Variants in MALT1 observed in about 807,000 individuals in gnomAD.
MALT1 encodes the protein mucosa-associated lymphoid tissue lymphoma translocation protein 1.
In MALT1, 36 loss-of-function variants were observed where a neutral mutation model predicts 85.5. That is an observed-to-expected ratio of 0.42 (90% CI 0.32 to 0.56). MALT1 has a LOEUF of 0.56. Among genes scored for constraint, MALT1 ranks in the 20% least tolerant of loss-of-function variants. The pLI is 0.10. For synonymous variants in MALT1, 359 were observed against 361.3 expected, an observed-to-expected ratio of 0.99 and a Z score of 0.07; for missense variants, 716 against 981.6, an observed-to-expected ratio of 0.73 and a Z score of 3.62.
At chr18:58,678,737 G>A (rs1214708366) in intron 1 of MALT1, among the ~76,000 whole-genome samples, 1 of 152,180 alleles carries the variant, frequency 6.6e-6, no homozygotes, top group African/African-American at 2.4e-5. Flanking sequence ...AGAAGAATGT[G>A]TGATAGAGAC....
intron 2 of MALT1, among the ~76,000 whole-genome samples, chr18:58,682,010 C>A (rs1004119669): frequency 1.4e-4 from 21 of 152,150 alleles, no homozygotes; most frequent in South Asian, 8.3e-4. Context: ...CTGGTTGTGG[C>A]AGCACTGCAG....
chr18:58,693,707 G>A (rs747173152), intron 2 of MALT1, among the ~76,000 whole-genome samples: 17 of 152,176 alleles, frequency 1.1e-4, no homozygotes, highest in Non-Finnish European at 2.4e-4. Context: ...GATGGATGGT[G>A]GTAGGCAGTA....
At chr18:58,735,111 T>C in intron 12 of MALT1, 91 bp from the exon 13 acceptor site, 1 of 1,176,436 alleles carries the variant, frequency 8.5e-7, no homozygotes, top group Non-Finnish European at 1.2e-6. Flanking sequence ...GGTGCTTCTC[T>C]GAGTTCATTT....
At position 58,750,515 on chromosome 18, in the gene MALT1, G is replaced by T. The variant is rs916546581; in HGVS notation, c.*2673G>T. ...AGTGCTACCAAGCTACAATAAGACA[G>T]TGTAGGCATATGGATAGACATATCG... On this transcript the variant is annotated 3_prime_UTR_variant, in exon 17 of 17. Coordinates refer to ENST00000649217, the MANE Select transcript of MALT1 (RefSeq NM_006785.4). 1 of 152,232 alleles carries T rather than the reference G, an allele frequency of 6.6e-6. No individual in the cohort carries two copies. The highest frequency in any genetic ancestry group is 2.4e-5 in the African/African-American group (1 of 41,458). The allele number at this position is 152,232 out of a possible 1,614,324, so 9.4% of individuals were successfully genotyped here. A position where few individuals can be genotyped will look rare whatever the true frequency, so the allele number is the denominator to read the frequency against.
intron 8 of MALT1, among the ~76,000 whole-genome samples, chr18:58,715,721 C>T (rs1007728632): frequency 1.3e-5 from 2 of 152,088 alleles, no homozygotes; most frequent in Non-Finnish European, 2.9e-5. Context: ...TAGAACGGTG[C>T]CAGCTGAGGC....
intron 14 of MALT1, 87 bp downstream of exon 14, chr18:58,742,101 A>G (rs1368321698): frequency 1.8e-6 from 2 of 1,137,510 alleles, no homozygotes; most frequent in Non-Finnish European, 2.3e-6. Flanking sequence ...CTTTCCTCCC[A>G]GTTTTACAGT....
chr18:58,673,210 T>C (rs1196198900), intron 1 of MALT1, among the ~76,000 whole-genome samples: 1 of 152,252 alleles, frequency 6.6e-6, no homozygotes, highest in Non-Finnish European at 1.5e-5. Flanking sequence ...TATTAAGTGC[T>C]TATTATTTGC....
At position 58,699,750 on chromosome 18, in the gene MALT1, C is replaced by T. The variant is rs559565522; in HGVS notation, c.499-691C>T. Reference sequence around the variant, plus strand: ...TGTAATGAGGCACTTGAGTAAGCCCCTTGGCAATGTGCCAAAGTTGGGTGT... The same window carrying T: ...TGTAATGAGGCACTTGAGTAAGCCCTTTGGCAATGTGCCAAAGTTGGGTGT... On this transcript the variant is annotated intron_variant, in intron 3 of 16. Coordinates refer to ENST00000649217, the MANE Select transcript of MALT1 (RefSeq NM_006785.4). Among the ~76,000 whole-genome samples, 4 of 152,324 alleles carry T rather than the reference C, an allele frequency of 2.6e-5. No homozygotes were observed. In the South Asian group the frequency reaches 8.3e-4, roughly 32 times the overall value.
rs531387044 is a variant in MALT1 at position 58,674,534 on chromosome 18, A to G, written c.209+2682A>G. Among the ~76,000 whole-genome samples, 5 of 152,344 alleles carry G rather than the reference A, an allele frequency of 3.3e-5. No individual in the cohort carries two copies. In the South Asian group the frequency reaches 8.3e-4, roughly 25 times the overall value. Reference sequence around the variant, plus strand: ...ATTTGGGAACGTTAAGCTCATCCCTATGGAGATCAGAAGAATTAAACGGAC... The same window carrying G: ...ATTTGGGAACGTTAAGCTCATCCCTGTGGAGATCAGAAGAATTAAACGGAC... On this transcript the variant is annotated intron_variant, in intron 1 of 16. Transcript: ENST00000649217.
intron 2 of MALT1, among the ~76,000 whole-genome samples, chr18:58,688,490 C>T (rs1305086671): frequency 8.6e-6 from 1 of 116,070 alleles, no homozygotes; most frequent in Admixed American, 1.3e-4. Context: ...CAGTTCCAGG[C>T]AACATATGAG....
chr18:58,697,440 G>C (rs1273310989), intron 3 of MALT1, among the ~76,000 whole-genome samples: 1 of 152,180 alleles, frequency 6.6e-6, no homozygotes, highest in Non-Finnish European at 1.5e-5. Flanking sequence ...AGATAGGTCT[G>C]TGTTGGAACT....
Position 58,744,512 on chromosome 18 carries a change from ATTT to A in MALT1, c.1911+18_1911+20del. 6.4e-7 allele frequency: 1 copy of A among 1,565,752 alleles called. No homozygotes were observed. Among genetic ancestry groups the A allele is most frequent in the Non-Finnish European group, 8.7e-7 (1 of 1,148,534 alleles). On this transcript the variant is annotated intron_variant, in intron 15 of 16. Coordinates refer to ENST00000649217, the MANE Select transcript of MALT1 (RefSeq NM_006785.4). ...TTTCCACTTGTGAGTCTCTTCTTTT[ATTT>A]AAAATACAGTGATATATTCTCACTT...
chr18:58,689,175 C>T (rs2054457473), intron 2 of MALT1, among the ~76,000 whole-genome samples: 1 of 150,804 alleles, frequency 6.6e-6, no homozygotes, highest in Non-Finnish European at 1.5e-5. Flanking sequence ...GACAGAATCA[C>T]TGAGAAAGCA....
intron 10 of MALT1, among the ~76,000 whole-genome samples, chr18:58,723,697 A>C (rs574222999): frequency 3.3e-5 from 5 of 152,314 alleles, no homozygotes; most frequent in African/African-American, 1.2e-4. Context: ...CTAGTCTTTT[A>C]GTGAGAACTA....
intron 2 of MALT1, among the ~76,000 whole-genome samples, chr18:58,681,775 GT>G (rs955069458): frequency 1.3e-5 from 2 of 151,596 alleles, no homozygotes; most frequent in South Asian, 2.1e-4. Flanking sequence ...AAATGTTTAA[GT>G]TTTTTTTTGC....
intron 3 of MALT1, chr18:58,697,360 G>A (rs1303323751): frequency 1.3e-5 from 2 of 152,002 alleles, no homozygotes; most frequent in East Asian, 1.9e-4. Context: ...TTTTGTTTCC[G>A]TCTGTTACAC....
chr18:58,714,421 T>C (rs889897134), intron 8 of MALT1, among the ~76,000 whole-genome samples: 2 of 152,176 alleles, frequency 1.3e-5, no homozygotes, highest in Non-Finnish European at 2.9e-5. Context: ...TACGTGACCT[T>C]TAATCTGAAA....
chr18:58,749,139 T>TGAA lies in MALT1; in HGVS notation c.*1297_*1298insGAA, dbSNP rs2055413206. 1 of 217,538 alleles carries TGAA rather than the reference T, an allele frequency of 4.6e-6. No homozygotes were observed. The highest frequency in any genetic ancestry group is 5.8e-5 in the Admixed American group (1 of 17,226). The allele number at this position is 217,538 out of a possible 1,614,324, so 13.5% of individuals were successfully genotyped here. ...ATCAAATAAGCTAATATACAGTCAG[T>TGAA]TCTCATTATTCACAGTAATTATGTT... is the stretch of plus-strand genomic sequence containing the variant. On this transcript the variant is annotated 3_prime_UTR_variant, in exon 17 of 17. Transcript: ENST00000649217.
At chr18:58,685,525 A>T (rs1326224969) in intron 2 of MALT1, among the ~76,000 whole-genome samples, 1 of 152,170 alleles carries the variant, frequency 6.6e-6, no homozygotes, top group Non-Finnish European at 1.5e-5. Context: ...GTATCCATGC[A>T]TCTCTAACTA....
Sources: gnomAD v4.1 joint callset for allele counts (sites outside exome capture counted in the v4.1 genomes callset) on GRCh38, gnomAD v4.1.1 for gene constraint, MANE v1.5 for transcripts, NCBI Gene and HGNC (gene_info 2026-07-23, HGNC 2026-07-21) for gene names.